DCAF8L2: variants seen among roughly 807,000 people sequenced by gnomAD.
DCAF8L2 encodes DDB1- and CUL4-associated factor 8-like protein 2.
For missense variants in DCAF8L2, 430 were observed against 490.7 expected (o/e 0.88, Z 1.17); for synonymous variants, 200 against 190.9 (o/e 1.05, Z -0.39).
chrX:27,580,708 T>C, the DCAF8L2 span, among the ~76,000 whole-genome samples: 2 of 111,419 alleles, frequency 1.8e-5, no homozygotes, highest in Non-Finnish European at 3.8e-5. Context: ...GGTGAAAAGG[T>C]GGTTCCAGTG....
At chrX:27,696,907 T>A (rs1930947868) in intron 3 of DCAF8L2, among the ~76,000 whole-genome samples, 1 of 111,627 alleles carries the variant, frequency 9.0e-6, no homozygotes, top group African/African-American at 3.3e-5. Context: ...AGATTTTTTT[T>A]ATTGTAGAAT....
intron 1 of DCAF8L2, among the ~76,000 whole-genome samples, chrX:27,601,207 A>G (rs1015420457): frequency 1.1e-4 from 12 of 112,165 alleles, no homozygotes; most frequent in African/African-American, 3.2e-4. Flanking sequence ...AGTCTTTGGC[A>G]AAAATGGATT....
chrX:27,563,942 G>T, the DCAF8L2 span, among the ~76,000 whole-genome samples: 2 of 112,057 alleles, frequency 1.8e-5, no homozygotes, highest in South Asian at 7.3e-4. Context: ...GCTAAAAAAG[G>T]TCCAGTGGCT....
the DCAF8L2 span, among the ~76,000 whole-genome samples, chrX:27,582,353 G>C: frequency 9.0e-6 from 1 of 110,683 alleles, no homozygotes; most frequent in Non-Finnish European, 1.9e-5. Context: ...TCCACTAATG[G>C]CCCCTTTTCT....
intron 1 of DCAF8L2, among the ~76,000 whole-genome samples, chrX:27,631,354 T>G (rs1928282605): frequency 9.0e-6 from 1 of 111,371 alleles, no homozygotes; most frequent in South Asian, 3.8e-4. Context: ...GATGCCAACT[T>G]TCACCATTTC....
chrX:27,746,128 G>T (rs1922149482), intron 4 of DCAF8L2, among the ~76,000 whole-genome samples: 1 of 111,459 alleles, frequency 9.0e-6, no homozygotes, highest in Non-Finnish European at 1.9e-5. Flanking sequence ...CTCACTAAAG[G>T]AGCCTGCCAG....
intron 4 of DCAF8L2, among the ~76,000 whole-genome samples, chrX:27,718,337 T>C (rs1287152781): frequency 3.6e-5 from 4 of 112,398 alleles, no homozygotes; most frequent in African/African-American, 6.5e-5. Context: ...TTCATGTTTT[T>C]GTGTATATCA....
chrX:27,643,992 C>T (rs940514557), intron 2 of DCAF8L2, among the ~76,000 whole-genome samples: 2 of 111,668 alleles, frequency 1.8e-5, no homozygotes, highest in African/African-American at 6.5e-5. Context: ...AGTCTTTGCA[C>T]TTAACATTGC....
chrX:27,653,525 C>A (rs1175498322), intron 2 of DCAF8L2, among the ~76,000 whole-genome samples: 1 of 111,168 alleles, frequency 9.0e-6, no homozygotes, highest in Non-Finnish European at 1.9e-5. Context: ...TAACATTCTT[C>A]TAAAAAGCGG....
At chrX:27,648,902 C>G (rs942054719) in intron 2 of DCAF8L2, among the ~76,000 whole-genome samples, 2 of 111,862 alleles carry the variant, frequency 1.8e-5, no homozygotes, top group East Asian at 5.6e-4. Context: ...TATTTACTGG[C>G]TGGCAAGTGG....
At chrX:27,526,704 G>C in the DCAF8L2 span, among the ~76,000 whole-genome samples, 2 of 112,436 alleles carry the variant, frequency 1.8e-5, no homozygotes, top group Non-Finnish European at 3.8e-5. Flanking sequence ...TGTGGTTTTG[G>C]TGTGGATGTC....
chrX:27,536,647 G>A, the DCAF8L2 span, among the ~76,000 whole-genome samples: 2 of 105,126 alleles, frequency 1.9e-5, no homozygotes, highest in Non-Finnish European at 2.0e-5. Context: ...GGAAAAATAG[G>A]AAAAAAAAAA....
chrX:27,703,339 T>C (rs1344650234), intron 3 of DCAF8L2, among the ~76,000 whole-genome samples: 2 of 111,090 alleles, frequency 1.8e-5, no homozygotes, highest in Non-Finnish European at 3.8e-5. Flanking sequence ...CCTAAATTTA[T>C]ATGGAAATAT....
At chrX:27,657,324 A>G (rs111651574) in intron 2 of DCAF8L2, among the ~76,000 whole-genome samples, 1,919 of 111,433 alleles carry the variant, frequency 0.017, 42 homozygotes, top group African/African-American at 0.059. Context: ...CTCCTTTGTT[A>G]GCGTGTTACA....
intron 3 of DCAF8L2, among the ~76,000 whole-genome samples, chrX:27,703,274 C>T (rs1303709290): frequency 9.0e-6 from 1 of 111,183 alleles, no homozygotes; most frequent in East Asian, 2.8e-4. Flanking sequence ...CCCAATTAAT[C>T]TACAATCTCT....
chrX:27,656,341 T>C (rs1276981873), intron 2 of DCAF8L2, among the ~76,000 whole-genome samples: 1 of 112,067 alleles, frequency 8.9e-6, no homozygotes, highest in African/African-American at 3.2e-5. Context: ...AAACCTCATG[T>C]TTAGAAAACA....
the DCAF8L2 span, among the ~76,000 whole-genome samples, chrX:27,474,106 G>A: frequency 9.0e-6 from 1 of 111,172 alleles, no homozygotes; most frequent in Non-Finnish European, 1.9e-5. Context: ...GGAAGTGTCA[G>A]TTGCTCATTG....
At chrX:27,726,251 A>G (rs763352343) in intron 4 of DCAF8L2, among the ~76,000 whole-genome samples, 14 of 111,477 alleles carry the variant, frequency 1.3e-4, no homozygotes, top group African/African-American at 4.2e-4. Flanking sequence ...TTGGGAGATC[A>G]GTTCTTAACA....
At chrX:27,705,045 T>A (rs765473993) in intron 3 of DCAF8L2, among the ~76,000 whole-genome samples, 1 of 110,857 alleles carries the variant, frequency 9.0e-6, no homozygotes, top group South Asian at 3.8e-4. Flanking sequence ...CTTCCATTTA[T>A]AAATGCAATA....
Sources: gnomAD v4.1 joint callset for allele counts (sites outside exome capture counted in the v4.1 genomes callset) on GRCh38, gnomAD v4.1.1 for gene constraint, MANE v1.5 for transcripts, NCBI Gene and HGNC (gene_info 2026-07-23, HGNC 2026-07-21) for gene names.